Variants in PPARG observed in about 807,000 individuals in gnomAD.
PPARG encodes the protein peroxisome proliferator-activated receptor gamma.
In PPARG, 17 loss-of-function variants were observed where a neutral mutation model predicts 39.2. That is an observed-to-expected ratio of 0.43 (90% CI 0.30 to 0.65). The LOEUF (loss-of-function observed/expected upper bound fraction) is 0.65. Ranked by LOEUF, PPARG falls within the 30% of genes least tolerant of loss-of-function variation. The pLI, the probability that PPARG is intolerant of heterozygous loss-of-function variation, is 0.13. For missense variants in PPARG, 406 were observed against 585.9 expected, an observed-to-expected ratio of 0.69 and a Z score of 3.17; for synonymous variants, 223 against 215.7, an observed-to-expected ratio of 1.03 and a Z score of -0.30.
intron 2 of PPARG, among the ~76,000 whole-genome samples, chr3:12,339,471 G>A (rs1331189163): frequency 2.0e-5 from 3 of 152,168 alleles, no homozygotes; most frequent in African/African-American, 7.2e-5. Flanking sequence ...TGTAAAATAT[G>A]CATCAATAAC....
upstream of PPARG, chr3:12,288,993 G>A (rs934277869): frequency 1.3e-5 from 2 of 152,376 alleles, no homozygotes; most frequent in African/African-American, 4.8e-5. Context: ...TTAGGGAGGA[G>A]CCTAAGGTAA....
At chr3:12,302,324 G>T (rs2046948239) in intron 1 of PPARG, among the ~76,000 whole-genome samples, 1 of 152,190 alleles carries the variant, frequency 6.6e-6, no homozygotes, top group African/African-American at 2.4e-5. Flanking sequence ...CATAGAGATA[G>T]GAAGCAGATG....
intron 2 of PPARG, among the ~76,000 whole-genome samples, chr3:12,358,035 A>G (rs957424154): frequency 2.6e-5 from 4 of 152,246 alleles, no homozygotes. Context: ...TCTAAAACCA[A>G]TGCTAATATA....
At position 12,321,601 on chromosome 3, in the gene PPARG, A is replaced by G. The variant is rs1268949050; in HGVS notation, c.-9+9148A>G. On this transcript the variant is annotated intron_variant, in intron 2 of 7. Transcript: ENST00000651735. ...TTATTGCAGATTAACTCTCTGACCAAGCAATCCATCGTTTCCATCATCCTC... is the reference window on the plus strand; with the variant it reads ...TTATTGCAGATTAACTCTCTGACCAGGCAATCCATCGTTTCCATCATCCTC... Among the ~76,000 whole-genome samples the G allele has an allele frequency of 3.3e-5, 5 of 152,160 alleles. No homozygotes were observed. The South Asian group carries it at 6.2e-4, about 19-fold the overall frequency.
chr3:12,363,008 C>A (rs1230820128), intron 2 of PPARG, among the ~76,000 whole-genome samples: 1 of 152,076 alleles, frequency 6.6e-6, no homozygotes, highest in Non-Finnish European at 1.5e-5. Flanking sequence ...CAGCCTCAAC[C>A]TCCTGGGCTC....
intron 2 of PPARG, among the ~76,000 whole-genome samples, chr3:12,366,760 T>C (rs919888223): frequency 5.3e-5 from 8 of 152,190 alleles, no homozygotes; most frequent in Admixed American, 3.3e-4. Flanking sequence ...TTGGCCATGG[T>C]GTATAATTCT....
intron 2 of PPARG, among the ~76,000 whole-genome samples, chr3:12,334,294 G>C (rs576566058): frequency 6.6e-6 from 1 of 150,678 alleles, no homozygotes; most frequent in Non-Finnish European, 1.5e-5. Flanking sequence ...GCAGTGGTAC[G>C]ATTTTGGCTC....
chr3:12,328,198 A>G, intron 2 of PPARG: 1 of 1,456,440 alleles, frequency 6.9e-7, no homozygotes. Flanking sequence ...CTAGAACAGA[A>G]AAAGTCCTAC....
At chr3:12,307,098 A>C (rs1259651674) in intron 1 of PPARG, among the ~76,000 whole-genome samples, 3 of 25,238 alleles carry the variant, frequency 1.2e-4, no homozygotes, top group Non-Finnish European at 2.4e-4. Context: ...ACTCCGTCTC[A>C]AAAAAAAAAA....
intron 6 of PPARG, 157 bp downstream of exon 6, chr3:12,406,238 A>C: frequency 2.6e-6 from 2 of 779,410 alleles, no homozygotes; most frequent in Non-Finnish European, 4.4e-6. Context: ...GAAACGCAGG[A>C]AGTGTTTTCA....
intron 2 of PPARG, among the ~76,000 whole-genome samples, chr3:12,331,868 A>C (rs925081771): frequency 1.3e-5 from 2 of 152,202 alleles, no homozygotes; most frequent in Non-Finnish European, 2.9e-5. Flanking sequence ...TTTAGGGAAT[A>C]GAGGATGAAT....
intron 1 of PPARG, among the ~76,000 whole-genome samples, chr3:12,312,041 T>C (rs1163487641): frequency 1.3e-5 from 2 of 152,234 alleles, no homozygotes; most frequent in Non-Finnish European, 2.9e-5. Flanking sequence ...GGTATCGTCA[T>C]TCATGTGACA....
intron 2 of PPARG, among the ~76,000 whole-genome samples, chr3:12,369,040 A>G (rs2049118308): frequency 6.6e-6 from 1 of 152,130 alleles, no homozygotes; most frequent in Non-Finnish European, 1.5e-5. Context: ...TTTTAGCTTA[A>G]TTTTTACCTT....
intron 2 of PPARG, among the ~76,000 whole-genome samples, chr3:12,335,735 A>C (rs1425014318): frequency 6.6e-6 from 1 of 152,210 alleles, no homozygotes. Flanking sequence ...AAAGCAAAGA[A>C]AATTCACCCC....
chr3:12,342,862 T>C (rs1488691037), intron 2 of PPARG, among the ~76,000 whole-genome samples: 1 of 152,056 alleles, frequency 6.6e-6, no homozygotes, highest in East Asian at 1.9e-4. Context: ...ATTCTTTCCT[T>C]CAAGGAAAAT....
At chr3:12,325,531 G>A (rs181076285) in intron 2 of PPARG, among the ~76,000 whole-genome samples, 154 of 152,280 alleles carry the variant, frequency 1.0e-3, no homozygotes, top group African/African-American at 3.6e-3. Context: ...AACCCAGGAG[G>A]TGGAGGTTGC....
At chr3:12,334,593 T>A (rs1266727858) in intron 2 of PPARG, among the ~76,000 whole-genome samples, 1 of 152,182 alleles carries the variant, frequency 6.6e-6, no homozygotes, top group Non-Finnish European at 1.5e-5. Flanking sequence ...TGGGCCAAGT[T>A]ACATAGCTTC....
chr3:12,337,416 G>A (rs184026387), intron 2 of PPARG, among the ~76,000 whole-genome samples: 17 of 152,272 alleles, frequency 1.1e-4, no homozygotes, highest in Admixed American at 9.2e-4. Context: ...TGTGGGCAGA[G>A]TATAGCAATA....
At chr3:12,315,485 C>G (rs960271064) in intron 2 of PPARG, among the ~76,000 whole-genome samples, 1 of 152,158 alleles carries the variant, frequency 6.6e-6, no homozygotes, top group Non-Finnish European at 1.5e-5. Flanking sequence ...TGCAACCTTT[C>G]TGTAAGCCTC....
Sources: allele counts gnomAD v4.1 joint callset (sites outside exome capture counted in the v4.1 genomes callset), GRCh38; gene constraint gnomAD v4.1.1; transcripts MANE v1.5; gene names NCBI Gene and HGNC (gene_info 2026-07-23, HGNC 2026-07-21).